The following FAT3 variants were observed in gnomAD, a reference collection of about 807,000 sequenced individuals.
FAT3 encodes the protein protocadherin Fat 3.
A neutral mutation model predicts 310.2 loss-of-function variants in FAT3; 95 were observed. That is an observed-to-expected ratio of 0.31 (90% CI 0.26 to 0.36). The LOEUF (loss-of-function observed/expected upper bound fraction) is 0.36, where lower values mean the gene tolerates loss of function less well. FAT3 is among the 10% of genes least tolerant of loss of function. FAT3 has a pLI of 1.00. For missense variants in FAT3, 5,408 were observed against 5,715.6 expected, an observed-to-expected ratio of 0.95 and a Z score of 1.74; for synonymous variants, 2,314 against 2,192.9, an observed-to-expected ratio of 1.06 and a Z score of -1.54.
At chr11:92,337,085 T>C (rs1001738214) in intron 1 of FAT3, among the ~76,000 whole-genome samples, 1 of 152,150 alleles carries the variant, frequency 6.6e-6, no homozygotes, top group Non-Finnish European at 1.5e-5. Flanking sequence ...TCCCTGACTC[T>C]AGAAACACAA....
intron 3 of FAT3, among the ~76,000 whole-genome samples, chr11:92,596,600 C>G (rs1939719428): frequency 6.6e-6 from 1 of 152,164 alleles, no homozygotes; most frequent in African/African-American, 2.4e-5. Flanking sequence ...GAGCATTTTT[C>G]TCCATTCTGT....
At chr11:92,415,658 A>G (rs1246602047) in intron 2 of FAT3, among the ~76,000 whole-genome samples, 1 of 152,102 alleles carries the variant, frequency 6.6e-6, no homozygotes, top group East Asian at 1.9e-4. Context: ...GCATAAATCC[A>G]TTTGCCAGCA....
chr11:92,275,182 A>C (rs1468047521), intron 1 of FAT3, among the ~76,000 whole-genome samples: 1 of 152,022 alleles, frequency 6.6e-6, no homozygotes, highest in Non-Finnish European at 1.5e-5. Context: ...GGGTGCCATA[A>C]TCCTAGGCCA....
intron 13 of FAT3, among the ~76,000 whole-genome samples, chr11:92,828,237 AG>A (rs964022925): frequency 2.0e-5 from 3 of 152,132 alleles, no homozygotes; most frequent in African/African-American, 7.2e-5. Flanking sequence ...TTCCTTATAA[AG>A]ATGGCACCCC....
intron 4 of FAT3, among the ~76,000 whole-genome samples, chr11:92,752,024 CA>C (rs1410731833): frequency 6.6e-6 from 1 of 152,076 alleles, no homozygotes; most frequent in Non-Finnish European, 1.5e-5. Flanking sequence ...TAAGTGCTAT[CA>C]GTATAACCAA....
intron 1 of FAT3, among the ~76,000 whole-genome samples, chr11:92,289,583 A>G (rs1043809820): frequency 6.6e-6 from 1 of 151,680 alleles, no homozygotes; most frequent in African/African-American, 2.4e-5. Flanking sequence ...CTTTTATTCA[A>G]TTTGTCAGCA....
At chr11:92,398,847 G>A (rs1292320666) in intron 2 of FAT3, among the ~76,000 whole-genome samples, 1 of 152,116 alleles carries the variant, frequency 6.6e-6, no homozygotes, top group East Asian at 1.9e-4. Context: ...TGAAAATACT[G>A]TTTGGGACAG....
chr11:92,243,946 A>G (rs1864778433), intron 1 of FAT3, among the ~76,000 whole-genome samples: 1 of 152,118 alleles, frequency 6.6e-6, no homozygotes, highest in African/African-American at 2.4e-5. Flanking sequence ...AGAACATCCG[A>G]ATAAATTTAA....
chr11:92,488,065 T>A (rs1952477705), intron 2 of FAT3, among the ~76,000 whole-genome samples: 1 of 152,198 alleles, frequency 6.6e-6, no homozygotes, highest in Non-Finnish European at 1.5e-5. Context: ...GACTCTGACT[T>A]GCTAGCAGAT....
chr11:92,398,805 T>C (rs1949946714), intron 2 of FAT3, among the ~76,000 whole-genome samples: 1 of 152,226 alleles, frequency 6.6e-6, no homozygotes, highest in Non-Finnish European at 1.5e-5. Flanking sequence ...GACATGTTTG[T>C]TGCTTTTCAC....
At position 92,560,989 on chromosome 11, in the gene FAT3, G is replaced by C. The variant is rs141447482; in HGVS notation, c.3607+36041G>C. On this transcript the variant is annotated intron_variant, in intron 3 of 27. Transcript: ENST00000525166. ...CCAAAAGAAGCTTTTAGAAAAGGAA[G>C]AATACCTGTCAATGTGGTACTCTCT... is the stretch of plus-strand genomic sequence containing the variant. Among the ~76,000 whole-genome samples, 130 of 152,262 alleles carry C rather than the reference G, an allele frequency of 8.5e-4. No individual in the cohort carries two copies. The East Asian group carries it at 0.022, about 26-fold the overall frequency.
intron 3 of FAT3, among the ~76,000 whole-genome samples, chr11:92,598,459 A>G (rs373368554): frequency 9.9e-4 from 150 of 152,134 alleles, no homozygotes; most frequent in Middle Eastern, 6.8e-3. Flanking sequence ...TCCTGGTCCC[A>G]CCTTGGCCTC....
intron 4 of FAT3, among the ~76,000 whole-genome samples, chr11:92,757,489 G>T (rs931774565): frequency 6.6e-6 from 1 of 152,106 alleles, no homozygotes; most frequent in Non-Finnish European, 1.5e-5. Context: ...AGCTAGTTTT[G>T]CTTTGATCTT....
In FAT3 at chr11:92,638,187, G is replaced by A. The variant is rs55837155; in HGVS notation, c.3608-59197G>A. On this transcript the variant is annotated intron_variant, in intron 3 of 27. Transcript: ENST00000525166. ...GGACTGGGTGATAGGGTGACCATTT[G>A]CATATTAAATTTAAGCTACATTAAG... Among the ~76,000 whole-genome samples the A allele has an allele frequency of 6.9e-3, 1,057 of 152,282 alleles. 3 individuals are homozygous for A. The highest frequency in any genetic ancestry group is 0.012 in the Non-Finnish European group (796 of 68,012).
chr11:92,611,804 G>A lies in FAT3; in HGVS notation c.3608-85580G>A, dbSNP rs1034824854. ...GTTATTCAGAAAATATTCTAAAAAG[G>A]CCAAAAAGGCCAAACATCTATACAA... is the stretch of plus-strand genomic sequence containing the variant. On this transcript the variant is annotated intron_variant, in intron 3 of 27. Coordinates refer to ENST00000525166, the MANE Select transcript of FAT3 (RefSeq NM_001367949.2). Among the ~76,000 whole-genome samples, 7 of 152,226 alleles carry A rather than the reference G, an allele frequency of 4.6e-5. No homozygotes were observed. In the East Asian group the frequency reaches 1.4e-3, roughly 29 times the overall value.
At chr11:92,744,550 A>AT (rs767693862) in intron 4 of FAT3, among the ~76,000 whole-genome samples, 1 of 152,090 alleles carries the variant, frequency 6.6e-6, no homozygotes, top group Admixed American at 6.6e-5. Flanking sequence ...TTTTATAACC[A>AT]TTTTTTTATA....
intron 2 of FAT3, among the ~76,000 whole-genome samples, chr11:92,451,097 G>A (rs1951342088): frequency 6.6e-6 from 1 of 152,116 alleles, no homozygotes; most frequent in Non-Finnish European, 1.5e-5. Context: ...AAAGGTTTAG[G>A]TGATTTTGCA....
At chr11:92,890,084 C>A (rs897852882) in intron 27 of FAT3, among the ~76,000 whole-genome samples, 193 bp downstream of exon 27, 1 of 152,232 alleles carries the variant, frequency 6.6e-6, no homozygotes, top group Non-Finnish European at 1.5e-5. Context: ...GTGTGTTTCA[C>A]CCATTTGCCT....
intron 7 of FAT3, among the ~76,000 whole-genome samples, chr11:92,775,731 A>C (rs1046421894): frequency 2.6e-5 from 4 of 152,222 alleles, no homozygotes; most frequent in Non-Finnish European, 5.9e-5. Context: ...AACCAAAATT[A>C]GTTTTCTAAA....
Sources: gnomAD v4.1 joint callset for allele counts (sites outside exome capture counted in the v4.1 genomes callset) on GRCh38, gnomAD v4.1.1 for gene constraint, MANE v1.5 for transcripts, NCBI Gene and HGNC (gene_info 2026-07-23, HGNC 2026-07-21) for gene names.